The following GPRC5C variants were observed in gnomAD, a reference collection of about 807,000 sequenced individuals.
GPRC5C encodes G protein-coupled receptor family C group 5 member C.
In GPRC5C, 22 loss-of-function variants were observed where a neutral mutation model predicts 31.4. That is an observed-to-expected ratio of 0.70 (90% CI 0.50 to 1.00). The LOEUF (loss-of-function observed/expected upper bound fraction) is 1.00. GPRC5C is among the 50% of genes least tolerant of loss of function. The pLI is 0.00. For synonymous variants in GPRC5C, 249 were observed against 257.5 expected (o/e 0.97, Z 0.32); for missense variants, 557 against 597.2 (o/e 0.93, Z 0.70).
intron 1 of GPRC5C, among the ~76,000 whole-genome samples, chr17:74,437,629 A>ATTTTTTTTTTTTTTTTTTTTTTTT (rs57390968): frequency 2.5e-4 from 32 of 129,836 alleles, no homozygotes; most frequent in African/African-American, 9.9e-4. Flanking sequence ...TATGGACAGA[A>ATTTTTTTTTTTTTTTTTTTTTTTT]TTTTTTTTTT....
intron 3 of GPRC5C, among the ~76,000 whole-genome samples, chr17:74,444,937 C>T (rs2055603514): frequency 6.6e-6 from 1 of 152,192 alleles, no homozygotes; most frequent in East Asian, 1.9e-4. Context: ...GCACTAGCCT[C>T]ACCTGGGAGC....
At chr17:74,432,932 A>G (rs1231664916) in intron 1 of GPRC5C, among the ~76,000 whole-genome samples, 1 of 151,540 alleles carries the variant, frequency 6.6e-6, no homozygotes, top group Non-Finnish European at 1.5e-5. Flanking sequence ...CCACCCAGGG[A>G]GCGCAGGTGT....
At chr17:74,434,510 C>T (rs117365741) in intron 1 of GPRC5C, among the ~76,000 whole-genome samples, 2,481 of 152,300 alleles carry the variant, frequency 0.016, 77 homozygotes, top group East Asian at 0.11. Flanking sequence ...GATCAGAAGG[C>T]TCAGTCTTAG....
chr17:74,443,587 GTGT>G, intron 2 of GPRC5C: 1 of 673,500 alleles, frequency 1.5e-6, no homozygotes, highest in Non-Finnish European at 2.7e-6. Context: ...AAGCTCAGCA[GTGT>G]TGTTCACTCC....
Position 74,439,802 on chromosome 17 carries a change from T to C in GPRC5C, c.26T>C (p.Met9Thr). Residue 9 changes from methionine to threonine, a missense_variant, in exon 2 of 4, where the codon ATG becomes ACG. Transcript: ENST00000392627. ...ATGGCCATCCACAAAGCCTTGGTGA[T>C]GTGCCTGGGACTGCCTCTCTTCCTG... MAIHKALV[M>T]CLGLPLFLFP... 1.2e-6 allele frequency: 2 copies of C among 1,613,556 alleles called. No individual in the cohort carries two copies. Among genetic ancestry groups the C allele is most frequent in the South Asian group, 1.1e-5 (1 of 91,076 alleles).
chr17:74,443,739 G>A (rs1461339680), intron 2 of GPRC5C, 79 bp from the exon 3 acceptor site: 2 of 1,080,104 alleles, frequency 1.9e-6, no homozygotes, highest in Non-Finnish European at 2.9e-6. Flanking sequence ...CCCCCAGAGA[G>A]CCTTGCTTGG....
downstream of GPRC5C, chr17:74,450,797 T>G (rs1424907893): frequency 6.6e-6 from 1 of 152,164 alleles, no homozygotes; most frequent in Admixed American, 6.5e-5. Context: ...TCTATAACAT[T>G]GTCTTCCTGA....
In GPRC5C at chr17:74,440,725, T is replaced by A; in HGVS notation, c.949T>A (p.Tyr317Asn). 6.2e-7 allele frequency: 1 copy of A among 1,603,530 alleles called. No individual in the cohort carries two copies. Among genetic ancestry groups the A allele is most frequent in the African/African-American group, 1.3e-5 (1 of 74,856 alleles). Residue 317 changes from tyrosine to asparagine, a missense_variant, in exon 2 of 4, where the codon TAC (tyrosine) becomes AAC (asparagine). Tyr to Asn is a moderately radical substitution (Grantham distance 143). Coordinates refer to ENST00000392627, the MANE Select transcript of GPRC5C (RefSeq NM_022036.4). This position sits in a 1 kb window ranked among gnomAD's most constrained non-coding sequence, Gnocchi z 4.4. ...AGAGCAAAGCTACCAGGGGGACATG[T>A]ACCCCACCCGGGGCGTGGGCTATGA... ...SPEQSYQGDM[Y>N]PTRGVGYETI...
chr17:74,436,080 T>G (rs2144407502), intron 1 of GPRC5C, among the ~76,000 whole-genome samples: 1 of 152,334 alleles, frequency 6.6e-6, no homozygotes, highest in East Asian at 1.9e-4. Flanking sequence ...CCCATGATGC[T>G]AAAAGCAGCC....
chr17:74,438,204 T>G (rs1312926401), intron 1 of GPRC5C, among the ~76,000 whole-genome samples: 2 of 82,680 alleles, frequency 2.4e-5, no homozygotes, highest in Non-Finnish European at 4.7e-5. Flanking sequence ...TCTCTGCTAA[T>G]TCATATATAT....
chr17:74,435,760 G>C (rs1403492549), intron 1 of GPRC5C, among the ~76,000 whole-genome samples: 1 of 152,224 alleles, frequency 6.6e-6, no homozygotes, highest in Non-Finnish European at 1.5e-5. Flanking sequence ...GAGCCAGCAG[G>C]GTACAGGCAA....
intron 2 of GPRC5C, among the ~76,000 whole-genome samples, chr17:74,442,209 G>T (rs1487968154): frequency 1.3e-5 from 2 of 152,084 alleles, no homozygotes; most frequent in African/African-American, 4.8e-5. Flanking sequence ...CACTATGTTG[G>T]CCAGGCTGGT....
intron 1 of GPRC5C, among the ~76,000 whole-genome samples, chr17:74,434,971 G>A (rs907878257): frequency 6.6e-5 from 10 of 151,896 alleles, no homozygotes; most frequent in African/African-American, 1.7e-4. Flanking sequence ...TGTAATCCCA[G>A]CACTTTGGGA....
intron 1 of GPRC5C, among the ~76,000 whole-genome samples, chr17:74,432,769 C>A (rs1209246435): frequency 6.6e-6 from 1 of 151,698 alleles, no homozygotes; most frequent in Non-Finnish European, 1.5e-5. Flanking sequence ...CCAAGAGGAG[C>A]CCCTCCACCG....
Position 74,432,150 on chromosome 17 carries a change from G to C in GPRC5C, c.-33+9G>C, listed in dbSNP as rs2055358375. 1 of 1,609,834 alleles carries C rather than the reference G, an allele frequency of 6.2e-7. No individual in the cohort carries two copies. The highest frequency in any genetic ancestry group is 8.5e-7 in the Non-Finnish European group (1 of 1,178,306). ...GTCGGCTCAGCCTGGAGGTGAGTCG[G>C]GGCGGGGAGGGCCGGGCAGGCTTTG... On this transcript the variant is annotated intron_variant, in intron 1 of 3. Transcript: ENST00000392627.
intron 3 of GPRC5C, chr17:74,446,647 G>A: frequency 1.8e-6 from 1 of 565,882 alleles, no homozygotes; most frequent in Non-Finnish European, 3.2e-6. Flanking sequence ...TCGTTCCCAT[G>A]CCCAGAGGCA....
At chr17:74,434,079 G>A (rs1281340454) in intron 1 of GPRC5C, among the ~76,000 whole-genome samples, 1 of 152,188 alleles carries the variant, frequency 6.6e-6, no homozygotes, top group Non-Finnish European at 1.5e-5. Context: ...TGACTCACAG[G>A]AGAGCTGGGG....
chr17:74,443,286 A>G (rs1325809477), intron 2 of GPRC5C: 4 of 237,476 alleles, frequency 1.7e-5, no homozygotes, highest in Non-Finnish European at 3.3e-5. Flanking sequence ...GACGTGCGTT[A>G]AGGCTCCCTG....
At chr17:74,437,235 T>G (rs2055445376) in intron 1 of GPRC5C, among the ~76,000 whole-genome samples, 1 of 152,180 alleles carries the variant, frequency 6.6e-6, no homozygotes, top group African/African-American at 2.4e-5. Context: ...CCCAGCCTAC[T>G]CCTTACCTCT....
Sources: allele counts gnomAD v4.1 joint callset (sites outside exome capture counted in the v4.1 genomes callset), GRCh38; gene constraint gnomAD v4.1.1; non-coding constraint Gnocchi (gnomAD v3.1); transcripts MANE v1.5; gene names NCBI Gene and HGNC (gene_info 2026-07-23, HGNC 2026-07-21).